TMEM178B: variants seen among roughly 807,000 people sequenced by gnomAD.
The protein encoded by TMEM178B is transmembrane protein 178B.
Under a neutral mutation model 31.0 loss-of-function variants are expected in TMEM178B, and 5 were observed. The observed-to-expected ratio is 0.16, with a 90% CI of 0.08 to 0.34. TMEM178B has a LOEUF of 0.34. Among genes scored for constraint, TMEM178B ranks in the 10% least tolerant of loss-of-function variants. TMEM178B has a pLI of 1.00. For synonymous variants in TMEM178B, 164 were observed against 164.0 expected, an observed-to-expected ratio of 1.00 and a Z score of 0.00; for missense variants, 275 against 400.3, an observed-to-expected ratio of 0.69 and a Z score of 2.67.
intron 2 of TMEM178B, among the ~76,000 whole-genome samples, chr7:141,403,917 T>C (rs1269719474): frequency 6.6e-6 from 1 of 152,170 alleles, no homozygotes; most frequent in Non-Finnish European, 1.5e-5. Context: ...ATCCTTTGAG[T>C]TCCTCCTCGG....
At chr7:141,176,092 G>A (rs750923395) in intron 1 of TMEM178B, among the ~76,000 whole-genome samples, 10 of 152,162 alleles carry the variant, frequency 6.6e-5, no homozygotes, top group Non-Finnish European at 1.3e-4. Flanking sequence ...TTGGCTGTGG[G>A]CTTGTCATAA....
Position 141,344,968 on chromosome 7 carries a change from G to A in TMEM178B, c.497-92640G>A, listed in dbSNP as rs1289050515. On this transcript the variant is annotated intron_variant, in intron 2 of 3. Transcript: ENST00000565468. The surrounding 1 kb of genome is among the most constrained non-coding windows in gnomAD (Gnocchi z 4.1). Reference sequence around the variant, plus strand: ...TTTAATTACTAAGCATGAGTTAATAGCTAACAAGATGTAGTAAAGAAATAG... The same window carrying A: ...TTTAATTACTAAGCATGAGTTAATAACTAACAAGATGTAGTAAAGAAATAG... Among the ~76,000 whole-genome samples, 3 of 152,156 alleles carry A rather than the reference G, an allele frequency of 2.0e-5. No individual in the cohort carries two copies. The highest frequency in any genetic ancestry group is 2.9e-5 in the Non-Finnish European group (2 of 68,034).
Position 141,477,679 on chromosome 7 carries a change from CA to C in TMEM178B, c.*6894del, listed in dbSNP as rs1029863132. The C allele has an allele frequency of 6.6e-6, 1 of 152,186 alleles. No individual in the cohort carries two copies. Among genetic ancestry groups the C allele is most frequent in the African/African-American group, 2.4e-5 (1 of 41,418 alleles). 9.4% of individuals were successfully genotyped at this position (152,186 alleles called of 1,614,324 possible). ...CACGTCTTCTCAGCCAAATGGGGAT[CA>C]GGGGCTTCCAGGGCTCTGGGGGTGC... On this transcript the variant is annotated 3_prime_UTR_variant, in exon 4 of 4. Coordinates refer to ENST00000565468, the MANE Select transcript of TMEM178B (RefSeq NM_001195278.2).
intron 2 of TMEM178B, among the ~76,000 whole-genome samples, chr7:141,372,737 T>C (rs140330154): frequency 3.3e-5 from 5 of 152,324 alleles, no homozygotes; most frequent in African/African-American, 1.2e-4. Flanking sequence ...GCTTTGAAAA[T>C]GCAGAGAACT....
intron 2 of TMEM178B, among the ~76,000 whole-genome samples, chr7:141,436,094 T>C (rs182343729): frequency 5.6e-4 from 85 of 152,308 alleles, no homozygotes; most frequent in Non-Finnish European, 9.6e-4. Context: ...TGGATCCCTC[T>C]ACAGAGGGGT....
At chr7:141,505,269 T>A in the TMEM178B span, among the ~76,000 whole-genome samples, 5 of 152,240 alleles carry the variant, frequency 3.3e-5, 1 homozygote, top group East Asian at 9.6e-4. Context: ...CTAAAAAGCA[T>A]CCACCACTGT....
intron 2 of TMEM178B, among the ~76,000 whole-genome samples, chr7:141,374,644 G>C (rs144847636): frequency 6.6e-6 from 1 of 152,196 alleles, no homozygotes; most frequent in Non-Finnish European, 1.5e-5. Context: ...GAGTGCTCTC[G>C]CACATGCCAC....
At chr7:141,350,925 C>T (rs1434994562) in intron 2 of TMEM178B, among the ~76,000 whole-genome samples, 1 of 152,122 alleles carries the variant, frequency 6.6e-6, no homozygotes, top group Non-Finnish European at 1.5e-5. Context: ...AAGAATAACC[C>T]CTATCCCTGG....
intron 2 of TMEM178B, among the ~76,000 whole-genome samples, chr7:141,247,206 CACA>C (rs1797750753): frequency 3.4e-4 from 14 of 40,938 alleles, no homozygotes; most frequent in Non-Finnish European, 6.0e-4. Flanking sequence ...TTTCTCTCTA[CACA>C]CACACACACA....
intron 2 of TMEM178B, among the ~76,000 whole-genome samples, chr7:141,295,317 G>A (rs1162981720): frequency 6.6e-6 from 1 of 152,204 alleles, no homozygotes; most frequent in Non-Finnish European, 1.5e-5. Flanking sequence ...TTGGGAAGCT[G>A]TGCAGAGAGG....
intron 1 of TMEM178B, among the ~76,000 whole-genome samples, chr7:141,140,593 G>C (rs1172999315): frequency 6.6e-6 from 1 of 152,174 alleles, no homozygotes; most frequent in Non-Finnish European, 1.5e-5. Context: ...GTTTTTACCA[G>C]ATGTCCTTTT....
intron 1 of TMEM178B, among the ~76,000 whole-genome samples, chr7:141,101,622 AGCAGCCG>A (rs1360035286): frequency 6.6e-6 from 1 of 152,268 alleles, no homozygotes; most frequent in Non-Finnish European, 1.5e-5. Flanking sequence ...GTGTGGTGGC[AGCAGCCG>A]GAGAGACTGA....
intron 1 of TMEM178B, among the ~76,000 whole-genome samples, chr7:141,136,102 G>C (rs1400331266): frequency 6.6e-6 from 1 of 152,098 alleles, no homozygotes; most frequent in East Asian, 1.9e-4. Flanking sequence ...AAAGCTGGAG[G>C]CTTCATAGTA....
intron 2 of TMEM178B, among the ~76,000 whole-genome samples, chr7:141,346,582 A>G (rs1799623728): frequency 1.3e-5 from 2 of 151,720 alleles, no homozygotes; most frequent in South Asian, 2.1e-4. Context: ...CACCTCACAC[A>G]TAGGCAATGG....
At chr7:141,237,471 T>C (rs575535426) in intron 2 of TMEM178B, among the ~76,000 whole-genome samples, 1 of 152,160 alleles carries the variant, frequency 6.6e-6, no homozygotes, top group Admixed American at 6.5e-5. Context: ...TGAATACAAA[T>C]TGAAAAAAAG....
chr7:141,510,709 A>AAAAGAAAG, the TMEM178B span, among the ~76,000 whole-genome samples: 7 of 134,954 alleles, frequency 5.2e-5, no homozygotes, highest in African/African-American at 2.4e-4. Flanking sequence ...AAAAAAAAAA[A>AAAAGAAAG]AAAGAAAAAA....
At chr7:141,328,206 A>ACCC (rs1408523556) in intron 2 of TMEM178B, among the ~76,000 whole-genome samples, 1 of 152,040 alleles carries the variant, frequency 6.6e-6, no homozygotes, top group Non-Finnish European at 1.5e-5. Flanking sequence ...GGAGGCACAG[A>ACCC]CCCCGTTATT....
intron 2 of TMEM178B, among the ~76,000 whole-genome samples, chr7:141,387,674 C>G (rs1448812388): frequency 6.6e-6 from 1 of 152,162 alleles, no homozygotes; most frequent in Non-Finnish European, 1.5e-5. Flanking sequence ...CTCGTATCTG[C>G]GCACCCCCGT....
intron 2 of TMEM178B, among the ~76,000 whole-genome samples, chr7:141,359,497 A>G (rs1224260228): frequency 6.6e-6 from 1 of 152,266 alleles, no homozygotes; most frequent in African/African-American, 2.4e-5. Context: ...TACTCTAACC[A>G]TAATGACTGT....
Sources: allele counts gnomAD v4.1 joint callset (sites outside exome capture counted in the v4.1 genomes callset), GRCh38; gene constraint gnomAD v4.1.1; non-coding constraint Gnocchi (gnomAD v3.1); transcripts MANE v1.5; gene names NCBI Gene and HGNC (gene_info 2026-07-23, HGNC 2026-07-21).